The following RBM33 variants were observed in gnomAD, a reference collection of about 807,000 sequenced individuals.
RBM33 encodes the protein RNA-binding protein 33.
In RBM33, 28 loss-of-function variants were observed where a neutral mutation model predicts 132.6. The observed-to-expected ratio is 0.21, with a 90% CI of 0.16 to 0.29. RBM33 has a LOEUF of 0.29. Ranked by LOEUF, RBM33 falls within the 10% of genes least tolerant of loss-of-function variation. The pLI, the probability that RBM33 is intolerant of heterozygous loss-of-function variation, is 1.00. For missense variants in RBM33, 1,291 were observed against 1,518.5 expected, an observed-to-expected ratio of 0.85 and a Z score of 2.49; for synonymous variants, 634 against 593.0, an observed-to-expected ratio of 1.07 and a Z score of -1.01.
chr7:155,691,035 C>G (rs999102336), intron 5 of RBM33, among the ~76,000 whole-genome samples: 3 of 152,112 alleles, frequency 2.0e-5, no homozygotes, highest in African/African-American at 7.2e-5. Context: ...ATTGGGGAAG[C>G]TCTCCTGGAT....
At chr7:155,655,348 G>A (rs985945276) in intron 1 of RBM33, among the ~76,000 whole-genome samples, 11 of 151,054 alleles carry the variant, frequency 7.3e-5, no homozygotes, top group Non-Finnish European at 1.2e-4. Context: ...GCTTTTTTTT[G>A]TTGGGCATTT....
At chr7:155,740,135 T>G (rs764533682) in intron 12 of RBM33, 109 bp downstream of exon 12, 1 of 1,385,166 alleles carries the variant, frequency 7.2e-7, no homozygotes, top group Non-Finnish European at 9.5e-7. Flanking sequence ...CTGATTTCTG[T>G]TTATAAAATG....
Position 155,745,246 on chromosome 7 carries a change from C to T in RBM33, c.2623C>T (p.Leu875Phe). The change falls in exon 14 of 18, where the codon CTT becomes TTT. Residue 875 changes from leucine (L) to phenylalanine (F), a missense_variant. By Grantham distance (22) the Leu-to-Phe change is conservative. Coordinates refer to ENST00000401878, the MANE Select transcript of RBM33 (RefSeq NM_053043.3). The surrounding 1 kb of genome is among the most constrained non-coding windows in gnomAD (Gnocchi z 4.1). ...QVRQNVKNRL[L>F]VKNQDVSISN... The stretch of plus-strand genomic sequence containing the variant: ...CAGACAAAATGTGAAGAACAGACTT[C>T]TTGTTAAAAACCAGGATGTCAGTAT... 1 of 1,612,742 alleles carries T rather than the reference C, an allele frequency of 6.2e-7. No homozygotes were observed. The highest frequency in any genetic ancestry group is 1.1e-5 in the South Asian group (1 of 90,738).
rs1781779084 is a variant in RBM33 at position 155,777,468 on chromosome 7, T to C, written c.*2427T>C. On this transcript the variant is annotated 3_prime_UTR_variant, in exon 18 of 18. Transcript: ENST00000401878. ...TCCCAGTAATGAAGGTTTAGTTTCC[T>C]TGAAGGAAACTACAGAAAAGGAAAG... The C allele has an allele frequency of 6.6e-6, 1 of 152,196 alleles. No individual in the cohort carries two copies. Among genetic ancestry groups the C allele is most frequent in the South Asian group, 2.1e-4 (1 of 4,826 alleles). The allele number at this position is 152,196 out of a possible 1,614,324, so 9.4% of individuals were successfully genotyped here.
At chr7:155,752,864 C>T (rs1801729037) in intron 14 of RBM33, among the ~76,000 whole-genome samples, 1 of 152,136 alleles carries the variant, frequency 6.6e-6, no homozygotes, top group South Asian at 2.1e-4. Flanking sequence ...CACACTGGTT[C>T]GTCCTTTCTT....
intron 9 of RBM33, among the ~76,000 whole-genome samples, chr7:155,724,188 G>T (rs1194999157): frequency 1.3e-5 from 2 of 151,986 alleles, no homozygotes; most frequent in African/African-American, 4.8e-5. Context: ...AAGACCTGTG[G>T]TTCTGTTTAG....
chr7:155,679,345 G>C (rs950135364), intron 4 of RBM33, among the ~76,000 whole-genome samples: 2 of 152,102 alleles, frequency 1.3e-5, no homozygotes, highest in South Asian at 2.1e-4. Context: ...ATTGCAGTTC[G>C]ATACTGCTGC....
chr7:155,673,800 A>ACACACACACC lies in RBM33; in HGVS notation c.171+886_171+887insACACACACCC, dbSNP rs369078260. ...CACACACACACACACACACACACAC[A>ACACACACACC]CCCCTACCAGTATATTTCGGACATT... On this transcript the variant is annotated intron_variant, in intron 3 of 17. Coordinates refer to ENST00000401878, the MANE Select transcript of RBM33 (RefSeq NM_053043.3). Among the ~76,000 whole-genome samples, 50 of 141,940 alleles carry ACACACACACC rather than the reference A, an allele frequency of 3.5e-4. 2 individuals are homozygous for ACACACACACC. The highest frequency in any genetic ancestry group is 8.5e-4 in the South Asian group (4 of 4,698). 93.1% of individuals were successfully genotyped at this position (141,940 alleles called of 152,430 possible).
At chr7:155,728,248 C>CAA (rs910017184) in intron 9 of RBM33, among the ~76,000 whole-genome samples, 1 of 152,148 alleles carries the variant, frequency 6.6e-6, no homozygotes, top group Non-Finnish European at 1.5e-5. Flanking sequence ...CTGGATTTAT[C>CAA]TACCATTCAG....
At chr7:155,673,943 T>TTGTTG (rs1563138289) in intron 3 of RBM33, among the ~76,000 whole-genome samples, 1 of 17,338 alleles carries the variant, frequency 5.8e-5, no homozygotes, top group African/African-American at 2.5e-4. Context: ...AGGCTTAGTT[T>TTGTTG]TTTTTTTTTT....
intron 3 of RBM33, among the ~76,000 whole-genome samples, chr7:155,673,764 G>GCACACACACACA (rs141072820): frequency 1.2e-4 from 2 of 17,238 alleles, no homozygotes; most frequent in East Asian, 3.0e-3. Context: ...ACGCGCGCAT[G>GCACACACACACA]CGCGCACACA....
rs186544284 is a variant in RBM33, at chr7:155,694,448, T to G, written c.568-6325T>G. Among the ~76,000 whole-genome samples the G allele has an allele frequency of 2.8e-3, 420 of 152,330 alleles. 2 individuals are homozygous for G. The highest frequency in any genetic ancestry group is 9.5e-3 in the African/African-American group (393 of 41,570). On this transcript the variant is annotated intron_variant, in intron 5 of 17. Coordinates refer to ENST00000401878, the MANE Select transcript of RBM33 (RefSeq NM_053043.3). ...ACATATTTGCACCACTTAAAATACT[T>G]GTGAAATGGTGATAATGTTTACACT...
At chr7:155,725,130 G>A (rs758560597) in intron 9 of RBM33, among the ~76,000 whole-genome samples, 1 of 149,510 alleles carries the variant, frequency 6.7e-6, no homozygotes, top group South Asian at 2.1e-4. Flanking sequence ...AAGACAGACT[G>A]TATGCTTTTC....
chr7:155,671,326 TGTTAA>T (rs1798937812), intron 2 of RBM33, among the ~76,000 whole-genome samples: 2 of 152,228 alleles, frequency 1.3e-5, no homozygotes, highest in South Asian at 2.1e-4. Context: ...TTTCAAGGGC[TGTTAA>T]GTTCTTGTCC....
intron 9 of RBM33, among the ~76,000 whole-genome samples, chr7:155,725,200 GTTGT>G (rs1397184902): frequency 6.2e-4 from 58 of 93,372 alleles, no homozygotes; most frequent in African/African-American, 3.1e-3. Context: ...TCCTTTTTTA[GTTGT>G]TTTTTTTTTT....
intron 1 of RBM33, among the ~76,000 whole-genome samples, chr7:155,661,929 G>A (rs1483069171): frequency 6.6e-6 from 1 of 152,048 alleles, no homozygotes; most frequent in African/African-American, 2.4e-5. Context: ...TCCATATCTT[G>A]TAATTTTTTG....
rs569240400 is a variant in RBM33, at chr7:155,752,661, C to T, written c.2979+7059C>T. ...ATCACATGCTTCTGAGGCCGCCCAT[C>T]GCCCTGTGAGAACCACTGGTCTAAG... On this transcript the variant is annotated intron_variant, in intron 14 of 17. Coordinates refer to ENST00000401878, the MANE Select transcript of RBM33 (RefSeq NM_053043.3). Among the ~76,000 whole-genome samples, 102 of 152,270 alleles carry T rather than the reference C, an allele frequency of 6.7e-4. 1 individual carries two copies. Among genetic ancestry groups the T allele is most frequent in the African/African-American group, 2.3e-3 (95 of 41,552 alleles).
chr7:155,713,078 T>C (rs192409374), intron 8 of RBM33, among the ~76,000 whole-genome samples: 2 of 152,084 alleles, frequency 1.3e-5, no homozygotes, highest in East Asian at 1.9e-4. Flanking sequence ...GATTTGCTGA[T>C]GGATTGGATG....
intron 5 of RBM33, among the ~76,000 whole-genome samples, chr7:155,689,299 C>T (rs1434953523): frequency 6.6e-6 from 1 of 152,202 alleles, no homozygotes; most frequent in African/African-American, 2.4e-5. Flanking sequence ...GTTTGTATTT[C>T]TGTGGGATCG....
Sources: allele counts gnomAD v4.1 joint callset (sites outside exome capture counted in the v4.1 genomes callset), GRCh38; gene constraint gnomAD v4.1.1; non-coding constraint Gnocchi (gnomAD v3.1); transcripts MANE v1.5; gene names NCBI Gene and HGNC (gene_info 2026-07-23, HGNC 2026-07-21).